The following TP53BP1 variants were observed in gnomAD, a reference collection of about 807,000 sequenced individuals.
The protein encoded by TP53BP1 is TP53-binding protein 1.
Under a neutral mutation model 200.8 loss-of-function variants are expected in TP53BP1, and 61 were observed. That is an observed-to-expected ratio of 0.30 (90% confidence interval 0.25 to 0.38). The LOEUF (loss-of-function observed/expected upper bound fraction) is 0.38. Among genes scored for constraint, TP53BP1 ranks in the 10% least tolerant of loss-of-function variants. The pLI is 1.00. For missense variants in TP53BP1, 2,144 were observed against 2,371.9 expected (o/e 0.90, Z 2.00); for synonymous variants, 822 against 844.3 (o/e 0.97, Z 0.46).
At chr15:43,438,140 ATG>A (rs1434115348) in intron 16 of TP53BP1, among the ~76,000 whole-genome samples, 182 bp downstream of exon 16, 2 of 152,192 alleles carry the variant, frequency 1.3e-5, no homozygotes, top group Admixed American at 6.5e-5. Flanking sequence ...TTTTTTGTGT[ATG>A]TGTGGTCAAC....
At chr15:43,481,998 A>G (rs976033244) in intron 4 of TP53BP1, among the ~76,000 whole-genome samples, 1 of 149,532 alleles carries the variant, frequency 6.7e-6, no homozygotes, top group Non-Finnish European at 1.5e-5. Context: ...GAGGCCAAGG[A>G]GGGCGCATCA....
At chr15:43,449,490 A>G (rs1217262871) in intron 12 of TP53BP1, among the ~76,000 whole-genome samples, 1 of 152,250 alleles carries the variant, frequency 6.6e-6, no homozygotes, top group African/African-American at 2.4e-5. Flanking sequence ...ACAGTATTAC[A>G]TAAAACTTAT....
At chr15:43,494,113 T>C (rs894260946), upstream of TP53BP1, among the ~76,000 whole-genome samples, 2 of 152,162 alleles carry the variant, frequency 1.3e-5, no homozygotes, top group Non-Finnish European at 2.9e-5. Context: ...GGTATATTAT[T>C]TAAGTGGCAG....
chr15:43,454,130 G>A (rs1448779041), intron 12 of TP53BP1, among the ~76,000 whole-genome samples: 4 of 151,506 alleles, frequency 2.6e-5, no homozygotes, highest in Non-Finnish European at 4.4e-5. Context: ...GCTTGAACCC[G>A]GGAGGCAGAG....
intron 1 of TP53BP1, among the ~76,000 whole-genome samples, chr15:43,508,740 C>T (rs117974635): frequency 0.016 from 2,374 of 152,316 alleles, 37 homozygotes; most frequent in Non-Finnish European, 0.025. Flanking sequence ...TAACAGACAC[C>T]TATAGCCAAT....
chr15:43,470,217 A>C (rs1439633484), intron 10 of TP53BP1, 151 bp from the exon 11 acceptor site: 2 of 680,834 alleles, frequency 2.9e-6, no homozygotes, highest in Non-Finnish European at 4.9e-6. Flanking sequence ...ATAATAGTAG[A>C]CTGGGTCCTA....
chr15:43,415,397 G>A (rs1356968152), intron 23 of TP53BP1, 197 bp downstream of exon 23: 3 of 700,560 alleles, frequency 4.3e-6, no homozygotes, highest in African/African-American at 1.8e-5. Flanking sequence ...CTATCTACCC[G>A]CACTAGAGTC....
intron 6 of TP53BP1, 146 bp downstream of exon 6, chr15:43,479,713 G>A: frequency 8.5e-7 from 1 of 1,181,198 alleles, no homozygotes; most frequent in South Asian, 1.6e-5. Flanking sequence ...CAATTGACAA[G>A]TATTTACCAG....
chr15:43,452,169 T>C (rs965311638), intron 12 of TP53BP1, among the ~76,000 whole-genome samples: 11 of 152,112 alleles, frequency 7.2e-5, no homozygotes, highest in African/African-American at 2.4e-4. Flanking sequence ...TCTCAACATT[T>C]AGCAACTAAA....
chr15:43,492,527 C>G, intron 1 of TP53BP1, 59 bp from the exon 2 acceptor site: 1 of 1,423,098 alleles, frequency 7.0e-7, no homozygotes, highest in South Asian at 1.2e-5. Flanking sequence ...CTCACGCAGT[C>G]TAAACCTAAA....
At position 43,474,882 on chromosome 15, in the gene TP53BP1, A is replaced by C. The variant is rs530860543; in HGVS notation, c.1086-115T>G. The C allele has an allele frequency of 4.1e-5, 27 of 660,038 alleles. No homozygotes were observed. In the African/African-American group the frequency reaches 4.4e-4, roughly 11 times the overall value. The allele number at this position is 660,038 out of a possible 1,614,324, so 40.9% of individuals were successfully genotyped here. A position where few individuals can be genotyped will look rare whatever the true frequency, so the allele number is the denominator to read the frequency against. ...ATCTAAGGCATTCAGATAAATACTT[A>C]TCAGCACTTTTCCCCAACAGCAACC... On this transcript the variant is annotated intron_variant, in intron 9 of 27. Coordinates refer to ENST00000382044, the MANE Select transcript of TP53BP1 (RefSeq NM_001141980.3).
upstream of TP53BP1, among the ~76,000 whole-genome samples, chr15:43,495,778 C>T (rs2079179572): frequency 6.7e-6 from 1 of 149,840 alleles, no homozygotes; most frequent in South Asian, 2.1e-4. Flanking sequence ...GATCGCGCCA[C>T]TGCACTCCAG....
intron 10 of TP53BP1, 46 bp downstream of exon 10, chr15:43,474,627 G>A: frequency 7.4e-7 from 1 of 1,354,448 alleles, no homozygotes; most frequent in Non-Finnish European, 1.0e-6. Context: ...AAAAAGTGTT[G>A]CTCCTCTTCT....
intron 24 of TP53BP1, chr15:43,412,885 T>C (rs1473063019): frequency 1.7e-6 from 1 of 590,792 alleles, no homozygotes; most frequent in Non-Finnish European, 3.2e-6. Flanking sequence ...ATAAGATCTA[T>C]CTCCCATCTG....
Position 43,407,016 on chromosome 15 carries a change from G to T in TP53BP1, c.*367C>A, listed in dbSNP as rs568266984. On this transcript the variant is annotated 3_prime_UTR_variant, in exon 28 of 28. Coordinates refer to ENST00000382044, the MANE Select transcript of TP53BP1 (RefSeq NM_001141980.3). ...TTCACCTACCTTAAACTGAGTTTCT[G>T]CAAGCATAGCATTTTAGACACCCTG... is the stretch of plus-strand genomic sequence containing the variant. 226 of 236,196 alleles carry T rather than the reference G, an allele frequency of 9.6e-4. 1 individual carries two copies. Among genetic ancestry groups the T allele is most frequent in the Non-Finnish European group, 1.6e-3 (195 of 118,788 alleles). 14.6% of individuals were successfully genotyped at this position (236,196 alleles called of 1,614,324 possible). A position where few individuals can be genotyped will look rare whatever the true frequency, so the allele number is the denominator to read the frequency against.
At chr15:43,484,543 C>T (rs2079018927) in intron 4 of TP53BP1, among the ~76,000 whole-genome samples, 1 of 152,102 alleles carries the variant, frequency 6.6e-6, no homozygotes, top group Non-Finnish European at 1.5e-5. Flanking sequence ...GAGCCAAATT[C>T]CTCACAATGC....
At chr15:43,478,942 G>A (rs1212161733) in intron 7 of TP53BP1, among the ~76,000 whole-genome samples, 1 of 152,198 alleles carries the variant, frequency 6.6e-6, no homozygotes, top group Non-Finnish European at 1.5e-5. Flanking sequence ...TAGGCAGAGT[G>A]GCTCACGCCT....
intron 18 of TP53BP1, among the ~76,000 whole-genome samples, chr15:43,423,756 T>C (rs1029295205): frequency 2.6e-5 from 4 of 152,042 alleles, no homozygotes; most frequent in African/African-American, 4.8e-5. Context: ...TTATCTCTGA[T>C]CCCTCCCTTC....
At chr15:43,476,996 G>C (rs1003487291) in intron 8 of TP53BP1, among the ~76,000 whole-genome samples, 5 of 152,142 alleles carry the variant, frequency 3.3e-5, no homozygotes, top group Non-Finnish European at 7.3e-5. Context: ...TGAAGACATA[G>C]TAGCCATGTA....
Sources: allele counts gnomAD v4.1 joint callset (sites outside exome capture counted in the v4.1 genomes callset), GRCh38; gene constraint gnomAD v4.1.1; transcripts MANE v1.5; gene names NCBI Gene and HGNC (gene_info 2026-07-23, HGNC 2026-07-21).